The following CELSR1 variants were observed in gnomAD, a reference collection of about 807,000 sequenced individuals.
CELSR1 encodes cadherin EGF LAG seven-pass G-type receptor 1.
In CELSR1, 110 loss-of-function variants were observed where a neutral mutation model predicts 249.1. That is an observed-to-expected ratio of 0.44 (90% CI 0.38 to 0.52). The LOEUF is 0.52. Ranked by LOEUF, CELSR1 falls within the 20% of genes least tolerant of loss-of-function variation. CELSR1 has a pLI of 0.00. For missense variants in CELSR1, 4,109 were observed against 4,296.4 expected (o/e 0.96, Z 1.22); for synonymous variants, 2,113 against 1,900.0 (o/e 1.11, Z -2.92).
At chr22:46,397,912 C>G in intron 11 of CELSR1, 64 bp from the exon 12 acceptor site, 1 of 1,320,300 alleles carries the variant, frequency 7.6e-7, no homozygotes, top group Non-Finnish European at 1.0e-6. Context: ...GTTAAGGGAA[C>G]CCTGAGACCT....
In CELSR1 at chr22:46,413,630, T is replaced by C. The variant is rs2079363336; in HGVS notation, c.4612-1871A>G. 6.6e-6 allele frequency among the ~76,000 whole-genome samples: 1 copy of C among 152,254 alleles called. No individual in the cohort carries two copies. Among genetic ancestry groups the C allele is most frequent in the Non-Finnish European group, 1.5e-5 (1 of 68,036 alleles). On this transcript the variant is annotated intron_variant, in intron 5 of 34. Transcript: ENST00000674500. The surrounding 1 kb of genome is among the most constrained non-coding windows in gnomAD (Gnocchi z 4.7). ...CCATGACCCCTGGTATTCGAATGCA[T>C]GGATCACCTTTTTCATTTTTCTTTT... is the stretch of plus-strand genomic sequence containing the variant.
In CELSR1 at chr22:46,439,218, T is replaced by C. The variant is rs77948853; in HGVS notation, c.4377A>G (p.Arg1459=). 1.2e-3 allele frequency: 1,892 copies of C among 1,613,868 alleles called. 23 individuals are homozygous for C. The African/African-American group carries it at 0.022, about 19-fold the overall frequency. The change falls in exon 3 of 35, where the codon AGA becomes AGG. Residue 1459 remains arginine, a synonymous_variant. Coordinates refer to ENST00000674500, the MANE Select transcript of CELSR1 (RefSeq NM_001378328.1). ...GGGAGATGGTGAAGTGGAAGCGCTGTCTCAGGCCCCGGAAGGTGACGAAGG... is the reference window on the plus strand; with the variant it reads ...GGGAGATGGTGAAGTGGAAGCGCTGCCTCAGGCCCCGGAAGGTGACGAAGG... ...PQSFVTFRGL[R]QRFHFTISLT... is the part of the protein sequence containing the mutation.
In CELSR1 at chr22:46,441,689, C is replaced by T. The variant is rs1246986168; in HGVS notation, c.4184-2278G>A. ...AAGGACTCTAATTGCAGCCTGGGGGCCCCACCCCATGACCTCATCTAAACC... is the reference window on the plus strand; with the variant it reads ...AAGGACTCTAATTGCAGCCTGGGGGTCCCACCCCATGACCTCATCTAAACC... On this transcript the variant is annotated intron_variant, in intron 2 of 34. Coordinates refer to ENST00000674500, the MANE Select transcript of CELSR1 (RefSeq NM_001378328.1). This position sits in a 1 kb window ranked among gnomAD's most constrained non-coding sequence, Gnocchi z 6.1. 6.6e-6 allele frequency among the ~76,000 whole-genome samples: 1 copy of T among 152,032 alleles called. No individual in the cohort carries two copies. Among genetic ancestry groups the T allele is most frequent in the Non-Finnish European group, 1.5e-5 (1 of 67,988 alleles).
chr22:46,537,297 G>A lies in CELSR1; in HGVS notation c.-127C>T. On this transcript the variant is annotated 5_prime_UTR_variant, in exon 1 of 35. Transcript: ENST00000674500. This position sits in a 1 kb window ranked among gnomAD's most constrained non-coding sequence, Gnocchi z 5.8. ...CGGCCCTCGGGGCGGTCCGCGTCCC[G>A]CCTCCCCGGGGGCCCTGGCGGGGAC... The A allele has an allele frequency of 1.0e-6, 1 of 974,498 alleles. No homozygotes were observed. The highest frequency in any genetic ancestry group is 1.2e-6 in the Non-Finnish European group (1 of 817,650). The allele number at this position is 974,498 out of a possible 1,614,324, so 60.4% of individuals were successfully genotyped here. A position where few individuals can be genotyped will look rare whatever the true frequency, so the allele number is the denominator to read the frequency against.
chr22:46,367,208 G>A, intron 28 of CELSR1, 90 bp from the exon 29 acceptor site: 1 of 1,486,866 alleles, frequency 6.7e-7, no homozygotes, highest in African/African-American at 1.4e-5. Context: ...ATACAGCCTT[G>A]AGTGCACACA....
In CELSR1 at chr22:46,394,178, G is replaced by A. The variant is rs141937285; in HGVS notation, c.5928C>T (p.Pro1976=). Residue 1976 remains proline (P), a synonymous_variant, in exon 14 of 35, where the codon CCC becomes CCT. Transcript: ENST00000674500. ...ACTGGCCGTTGGTCTTATTACAGTCGGGATCAAAGCCTTTGCTGACGGCAC... is the reference window on the plus strand; with the variant it reads ...ACTGGCCGTTGGTCTTATTACAGTCAGGATCAAAGCCTTTGCTGACGGCAC... ...CHCAVSKGFD[P]DCNKTNGQCQ... is the part of the protein sequence containing the mutation. The A allele has an allele frequency of 5.0e-6, 8 of 1,613,946 alleles. No homozygotes were observed. Among genetic ancestry groups the A allele is most frequent in the African/African-American group, 4.0e-5 (3 of 74,938 alleles).
intron 1 of CELSR1, among the ~76,000 whole-genome samples, chr22:46,525,224 A>AGGTG (rs2080727099): frequency 6.6e-6 from 1 of 152,022 alleles, no homozygotes; most frequent in African/African-American, 2.4e-5. Flanking sequence ...CGAAGCGGGC[A>AGGTG]GATCACCTGA....
chr22:46,478,969 C>T (rs955920858), intron 1 of CELSR1, among the ~76,000 whole-genome samples: 13 of 151,904 alleles, frequency 8.6e-5, no homozygotes, highest in Admixed American at 1.3e-4. Context: ...GAGTCAGGAA[C>T]GACCAGGGCC....
At chr22:46,524,541 C>CGTGT (rs71192413) in intron 1 of CELSR1, among the ~76,000 whole-genome samples, 1,846 of 77,842 alleles carry the variant, frequency 0.024, 35 homozygotes, top group African/African-American at 0.086. Context: ...CCGTTGTGTG[C>CGTGT]GTGTGTGTGT....
At chr22:46,470,783 C>A (rs555855683) in intron 1 of CELSR1, among the ~76,000 whole-genome samples, 1 of 152,202 alleles carries the variant, frequency 6.6e-6, no homozygotes, top group South Asian at 2.1e-4. Flanking sequence ...CACAGTAGCA[C>A]AAACCTCCAT....
At chr22:46,523,527 CAAATAAATAAATAAATAAAT>C (rs35618954) in intron 1 of CELSR1, among the ~76,000 whole-genome samples, 1 of 143,512 alleles carries the variant, frequency 7.0e-6, no homozygotes, top group Non-Finnish European at 1.5e-5. Flanking sequence ...GACTCTGTCT[CAAATAAATAAATAAATAAAT>C]AAATAAATAA....
At chr22:46,463,377 G>A (rs1489871573) in intron 2 of CELSR1, among the ~76,000 whole-genome samples, 1 of 152,168 alleles carries the variant, frequency 6.6e-6, no homozygotes. Flanking sequence ...TTAGCTGGGC[G>A]TGGTGGCCTG....
At chr22:46,531,252 CT>C (rs1245417425) in intron 1 of CELSR1, among the ~76,000 whole-genome samples, 9 of 152,066 alleles carry the variant, frequency 5.9e-5, no homozygotes, top group Non-Finnish European at 1.2e-4. Context: ...GTCACCCAGG[CT>C]ACAGTGCAGC....
intron 24 of CELSR1, among the ~76,000 whole-genome samples, chr22:46,373,722 GGGAGCAATGGGAGCAATA>G (rs1305550326): frequency 6.7e-6 from 1 of 149,344 alleles, no homozygotes; most frequent in African/African-American, 2.5e-5. Flanking sequence ...TGGGGGAGAT[GGGAGCAATGGGAGCAATA>G]GGAGCAATGG....
rs2079745566 is a variant in CELSR1 at position 46,441,299 on chromosome 22, G to A, written c.4184-1888C>T. ...CTCGCTGGAGTCCCCAGAGTGGGAT[G>A]GCTCCACGATGGGCCCTTTGGACAG... On this transcript the variant is annotated intron_variant, in intron 2 of 34. Transcript: ENST00000674500. This position sits in a 1 kb window ranked among gnomAD's most constrained non-coding sequence, Gnocchi z 6.1. Among the ~76,000 whole-genome samples the A allele has an allele frequency of 6.6e-6, 1 of 152,118 alleles. No individual in the cohort carries two copies. The highest frequency in any genetic ancestry group is 2.4e-5 in the African/African-American group (1 of 41,412).
intron 5 of CELSR1, among the ~76,000 whole-genome samples, chr22:46,419,413 T>C (rs757771865): frequency 6.6e-6 from 1 of 152,132 alleles, no homozygotes; most frequent in Non-Finnish European, 1.5e-5. Context: ...CCTCTATGGG[T>C]GGGAGGCATC....
rs148393197 is a variant in CELSR1 at position 46,527,823 on chromosome 22, C to T, written c.3544+5804G>A. Among the ~76,000 whole-genome samples the T allele has an allele frequency of 0.01, 1,593 of 152,256 alleles. 23 individuals are homozygous for T. Among genetic ancestry groups the T allele is most frequent in the African/African-American group, 0.036 (1,512 of 41,538 alleles). On this transcript the variant is annotated intron_variant, in intron 1 of 34. Coordinates refer to ENST00000674500, the MANE Select transcript of CELSR1 (RefSeq NM_001378328.1). This position sits in a 1 kb window ranked among gnomAD's most constrained non-coding sequence, Gnocchi z 5.5. The stretch of plus-strand genomic sequence containing the variant: ...AAGATGGTCCGACCCAGGCTGGGAG[C>T]GGTGGCTCACGCCTGTAATCCCAGC...
intron 3 of CELSR1, among the ~76,000 whole-genome samples, chr22:46,438,453 T>C (rs1433463251): frequency 6.6e-6 from 1 of 152,112 alleles, no homozygotes; most frequent in Non-Finnish European, 1.5e-5. Flanking sequence ...CCTGGAAGCT[T>C]GGGGAGGCAC....
In CELSR1 at chr22:46,399,117, A is replaced by G. The variant is rs750790649; in HGVS notation, c.5413-480T>C. On this transcript the variant is annotated intron_variant, in intron 10 of 34. Transcript: ENST00000674500. The surrounding 1 kb of genome is among the most constrained non-coding windows in gnomAD (Gnocchi z 5.0). ...GTGTTGTAAGATGAGCCTTGGCTCC[A>G]AGAGCTCTTGGAGATCCCAGGTCGC... 1.3e-5 allele frequency among the ~76,000 whole-genome samples: 2 copies of G among 152,204 alleles called. No homozygotes were observed. The highest frequency in any genetic ancestry group is 4.8e-5 in the African/African-American group (2 of 41,448).
Sources: gnomAD v4.1 joint callset for allele counts (sites outside exome capture counted in the v4.1 genomes callset) on GRCh38, gnomAD v4.1.1 for gene constraint, Gnocchi (gnomAD v3.1) non-coding constraint, MANE v1.5 for transcripts, NCBI Gene and HGNC (gene_info 2026-07-23, HGNC 2026-07-21) for gene names.